Variants in SEMA6D observed in about 807,000 individuals in gnomAD.
The protein encoded by SEMA6D is semaphorin 6D.
A neutral mutation model predicts 106.6 loss-of-function variants in SEMA6D; 35 were observed. The observed-to-expected ratio is 0.33, with a 90% CI of 0.25 to 0.44. SEMA6D has a LOEUF of 0.44. Ranked by LOEUF, SEMA6D falls within the 20% of genes least tolerant of loss-of-function variation. The pLI, the probability that SEMA6D is intolerant of heterozygous loss-of-function variation, is 1.00. For synonymous variants in SEMA6D, 499 were observed against 487.7 expected, an observed-to-expected ratio of 1.02 and a Z score of -0.31; for missense variants, 1,185 against 1,345.9, an observed-to-expected ratio of 0.88 and a Z score of 1.87.
At chr15:47,436,768 A>AT (rs1555439464) in intron 2 of SEMA6D, among the ~76,000 whole-genome samples, 4,228 of 125,284 alleles carry the variant, frequency 0.034, 79 homozygotes, top group African/African-American at 0.064. Flanking sequence ...TAAAAAAAAA[A>AT]ATATATATAT....
At chr15:47,621,350 A>C (rs2077095591) in intron 4 of SEMA6D, among the ~76,000 whole-genome samples, 1 of 152,150 alleles carries the variant, frequency 6.6e-6, no homozygotes, top group South Asian at 2.1e-4. Flanking sequence ...AGTTATAAGC[A>C]CTGTATGTCC....
intron 4 of SEMA6D, among the ~76,000 whole-genome samples, chr15:47,658,990 A>G (rs1174952346): frequency 6.6e-6 from 1 of 152,252 alleles, no homozygotes; most frequent in Non-Finnish European, 1.5e-5. Context: ...AAACTTTAAT[A>G]TTCTATTGAG....
At chr15:47,216,759 TA>T (rs1394289401) in intron 1 of SEMA6D, among the ~76,000 whole-genome samples, 12 of 151,954 alleles carry the variant, frequency 7.9e-5, no homozygotes, top group Non-Finnish European at 1.8e-4. Context: ...AGTAGATATA[TA>T]AAAAATATTA....
At chr15:47,742,026 G>T (rs1262961939) in intron 1 of SEMA6D, among the ~76,000 whole-genome samples, 2 of 152,188 alleles carry the variant, frequency 1.3e-5, no homozygotes, top group Non-Finnish European at 2.9e-5. Context: ...CCAGTCAGAG[G>T]AGCTGCAGAA....
intron 1 of SEMA6D, among the ~76,000 whole-genome samples, chr15:47,737,396 A>G (rs946158170): frequency 2.6e-5 from 4 of 152,182 alleles, no homozygotes; most frequent in Non-Finnish European, 5.9e-5. Context: ...GCATCTTCCC[A>G]TCCTCCCTTT....
chr15:47,528,598 T>C (rs1313274117), intron 3 of SEMA6D, among the ~76,000 whole-genome samples: 1 of 152,206 alleles, frequency 6.6e-6, no homozygotes, highest in Admixed American at 6.5e-5. Flanking sequence ...AGTCCTGATA[T>C]GCATGGTTCA....
chr15:47,505,137 G>T (rs193216262), intron 3 of SEMA6D, among the ~76,000 whole-genome samples: 1 of 152,068 alleles, frequency 6.6e-6, no homozygotes, highest in Non-Finnish European at 1.5e-5. Context: ...TGGTTTTGGG[G>T]CCCCTAAGAT....
chr15:47,462,078 G>A (rs2042530837), intron 2 of SEMA6D, among the ~76,000 whole-genome samples: 1 of 151,794 alleles, frequency 6.6e-6, no homozygotes, highest in Admixed American at 6.6e-5. Flanking sequence ...TCAAATCTTG[G>A]TACTACCATG....
intron 1 of SEMA6D, among the ~76,000 whole-genome samples, chr15:47,283,352 T>C (rs1292589710): frequency 1.3e-5 from 2 of 152,176 alleles, no homozygotes; most frequent in Non-Finnish European, 2.9e-5. Context: ...TCATGGAGGC[T>C]GTGACACCAC....
rs961495786 is a variant in SEMA6D at position 47,692,535 on chromosome 15, A to G, written c.-54-67210A>G. The stretch of plus-strand genomic sequence containing the variant: ...CCCTTCAGCCCAGAGTGAAGCTGTA[A>G]AAACAAGGTTGTCTGGTACCTTAAA... On this transcript the variant is annotated intron_variant, in intron 4 of 19. Transcript: ENST00000558014. Among the ~76,000 whole-genome samples the G allele has an allele frequency of 3.9e-5, 6 of 152,302 alleles. No homozygotes were observed. The East Asian group carries it at 5.8e-4, about 15-fold the overall frequency.
intron 1 of SEMA6D, among the ~76,000 whole-genome samples, chr15:47,385,529 C>G (rs1322906964): frequency 1.3e-5 from 2 of 152,106 alleles, no homozygotes; most frequent in African/African-American, 4.8e-5. Flanking sequence ...TTTTCATAGC[C>G]TGCTTTGACT....
At chr15:47,708,444 T>C (rs1452438867) in intron 4 of SEMA6D, among the ~76,000 whole-genome samples, 1 of 152,246 alleles carries the variant, frequency 6.6e-6, no homozygotes, top group Non-Finnish European at 1.5e-5. Flanking sequence ...CCCCACATCA[T>C]GAAGCTTTTA....
intron 1 of SEMA6D, among the ~76,000 whole-genome samples, chr15:47,411,160 G>A (rs973457368): frequency 3.3e-5 from 5 of 151,988 alleles, no homozygotes; most frequent in African/African-American, 1.2e-4. Context: ...CAGTGGCACA[G>A]TCTCGGCTCA....
intron 7 of SEMA6D, 21 bp from the exon 8 acceptor site, chr15:47,762,179 A>G (rs1431841360): frequency 6.2e-7 from 1 of 1,613,320 alleles, no homozygotes; most frequent in African/African-American, 1.3e-5. Context: ...TATCTTACCA[A>G]AATTATACCT....
At chr15:47,647,342 G>A (rs886716606) in intron 4 of SEMA6D, among the ~76,000 whole-genome samples, 15 of 152,212 alleles carry the variant, frequency 9.9e-5, no homozygotes, top group African/African-American at 3.6e-4. Context: ...GGTCTGTCAA[G>A]TGCTATTGAA....
chr15:47,430,650 G>A (rs779798791), intron 2 of SEMA6D, among the ~76,000 whole-genome samples: 1 of 151,962 alleles, frequency 6.6e-6, no homozygotes. Flanking sequence ...CAAAACGAAA[G>A]AGCATATGTT....
At chr15:47,563,151 A>G (rs1392915659) in intron 3 of SEMA6D, among the ~76,000 whole-genome samples, 1 of 152,202 alleles carries the variant, frequency 6.6e-6, no homozygotes, top group African/African-American at 2.4e-5. Flanking sequence ...TATATAGTCA[A>G]TAGATTAGTG....
chr15:47,470,018 GAA>G (rs5812397), intron 2 of SEMA6D, among the ~76,000 whole-genome samples: 10 of 148,386 alleles, frequency 6.7e-5, no homozygotes, highest in Non-Finnish European at 1.0e-4. Context: ...CAAATGCAAT[GAA>G]AAAAAAAACC....
intron 1 of SEMA6D, among the ~76,000 whole-genome samples, chr15:47,238,067 G>T (rs2032668311): frequency 6.6e-6 from 1 of 152,066 alleles, no homozygotes. Flanking sequence ...TCTGACAGTA[G>T]CTAGATATTT....
Sources: allele counts gnomAD v4.1 joint callset (sites outside exome capture counted in the v4.1 genomes callset), GRCh38; gene constraint gnomAD v4.1.1; transcripts MANE v1.5; gene names NCBI Gene and HGNC (gene_info 2026-07-23, HGNC 2026-07-21).